Variants in KISS1 observed in about 807,000 individuals in gnomAD.
The protein encoded by KISS1 is metastasis-suppressor KiSS-1.
For synonymous variants in KISS1, 97 were observed against 88.7 expected (o/e 1.09, Z -0.52); for missense variants, 182 against 182.7 (o/e 1.00, Z 0.02).
intron 1 of KISS1, among the ~76,000 whole-genome samples, chr1:204,195,185 TGCACACACAC>T (rs1658815795): frequency 2.9e-3 from 14 of 4,770 alleles, no homozygotes; most frequent in Admixed American, 5.0e-3. Flanking sequence ...ACACCACACA[TGCACACACAC>T]ACCACACACA....
intron 2 of KISS1, among the ~76,000 whole-genome samples, chr1:204,191,219 C>G (rs1571664977): frequency 6.6e-6 from 1 of 152,234 alleles, no homozygotes; most frequent in East Asian, 1.9e-4. Flanking sequence ...ATAGTGGGGC[C>G]TCAATAAATG....
In KISS1 at chr1:204,190,407, C is replaced by CGGGGGGGGGGGGGGGGGGGGG; in HGVS notation, c.*76_*77insCCCCCCCCCCCCCCCCCCCCC. The CGGGGGGGGGGGGGGGGGGGGG allele has an allele frequency of 2.6e-6, 2 of 779,252 alleles. No homozygotes were observed. Among genetic ancestry groups the CGGGGGGGGGGGGGGGGGGGGG allele is most frequent in the Non-Finnish European group, 4.1e-6 (2 of 493,570 alleles). 48.3% of individuals were successfully genotyped at this position (779,252 alleles called of 1,614,324 possible). On this transcript the variant is annotated 3_prime_UTR_variant, in exon 3 of 3. Transcript: ENST00000367194. ...TCCAGCGCCCCCTCCCTTAGCCCTA[C>CGGGGGGGGGGGGGGGGGGGGG]GTCCCCGCCCCCCGCCCCCGCCCCG...
Position 204,192,667 on chromosome 1 carries a change from A to T in KISS1, c.103+107T>A. 1 of 746,964 alleles carries T rather than the reference A, an allele frequency of 1.3e-6. No individual in the cohort carries two copies. The allele number at this position is 746,964 out of a possible 1,614,324, so 46.3% of individuals were successfully genotyped here. A position where few individuals can be genotyped will look rare whatever the true frequency, so the allele number is the denominator to read the frequency against. On this transcript the variant is annotated intron_variant, in intron 2 of 2. Transcript: ENST00000367194. The surrounding 1 kb of genome is among the most constrained non-coding windows in gnomAD (Gnocchi z 4.2). Reference sequence around the variant, plus strand: ...GTGTGCCAGTCTTAGATTTCCACCAAATGCAATGTTAAACTCACACCAGTC... The same window carrying T: ...GTGTGCCAGTCTTAGATTTCCACCATATGCAATGTTAAACTCACACCAGTC...
chr1:204,191,553 A>G (rs1028091775), intron 2 of KISS1, among the ~76,000 whole-genome samples: 2 of 152,268 alleles, frequency 1.3e-5, no homozygotes, highest in South Asian at 4.1e-4. Context: ...AAATAGGGCA[A>G]CTAGCTCTGT....
chr1:204,190,637 G>A lies in KISS1; in HGVS notation c.264C>T (p.Ala88=), dbSNP rs750463573. 1.9e-6 allele frequency: 3 copies of A among 1,584,264 alleles called. No individual in the cohort carries two copies. The Admixed American group carries it at 5.4e-5, about 28-fold the overall frequency. Residue 88 remains alanine (A), a synonymous_variant, in exon 3 of 3, where the codon GCC becomes GCT. Transcript: ENST00000367194. ...GTGCGGGGATCTGGCGGCTGTGGGG[G>A]GCGGACAGGCCCGGCTGCTGGGGGC... ...SGSPQQPGLS[A]PHSRQIPAPQ...
Position 204,190,735 on chromosome 1 carries a change from T to A in KISS1, c.166A>T (p.Arg56Trp). The A allele has an allele frequency of 6.2e-7, 1 of 1,610,110 alleles. No individual in the cohort carries two copies. The highest frequency in any genetic ancestry group is 1.7e-5 in the Admixed American group (1 of 59,740). The change falls in exon 3 of 3, where the codon AGG becomes TGG. Residue 56 changes from arginine to tryptophan, a missense_variant. Coordinates refer to ENST00000367194, the MANE Select transcript of KISS1 (RefSeq NM_002256.4). ...AGCCTGGCAGTAGCAGCTGGCTTCC[T>A]CTCGGTGCACGGCAGGCTCTGCTCC... ...PGEQSLPCTERKPAATARLSR... is the reference protein window; with the variant it reads ...PGEQSLPCTEWKPAATARLSR...
At chr1:204,194,036 C>T (rs1364111695) in intron 1 of KISS1, among the ~76,000 whole-genome samples, 2 of 152,176 alleles carry the variant, frequency 1.3e-5, no homozygotes, top group East Asian at 3.9e-4. Flanking sequence ...CCCATCAGCT[C>T]CTAATGGTGG....
Position 204,190,741 on chromosome 1 carries a change from T to G in KISS1, c.160A>C (p.Thr54Pro), listed in dbSNP as rs779604507. ...LAPGEQSLPC[T>P]ERKPAATARL... ...GCAGTAGCAGCTGGCTTCCTCTCGG[T>G]GCACGGCAGGCTCTGCTCCCCGGGG... Residue 54 changes from threonine to proline, a missense_variant, in exon 3 of 3, where the codon ACC (threonine) becomes CCC (proline). Coordinates refer to ENST00000367194, the MANE Select transcript of KISS1 (RefSeq NM_002256.4). 9.3e-6 allele frequency: 15 copies of G among 1,610,690 alleles called. No individual in the cohort carries two copies. The highest frequency in any genetic ancestry group is 1.2e-5 in the Non-Finnish European group (14 of 1,179,390).
chr1:204,196,156 G>C (rs1156866373), intron 1 of KISS1, among the ~76,000 whole-genome samples: 1 of 152,238 alleles, frequency 6.6e-6, no homozygotes, highest in Non-Finnish European at 1.5e-5. Context: ...GATCCCCAGA[G>C]TGTTAGCTTC....
In KISS1 at chr1:204,190,809, G is replaced by A; in HGVS notation, c.104-12C>T. On this transcript the variant is annotated splice_polypyrimidine_tract_variant and intron_variant, in intron 2 of 2. Coordinates refer to ENST00000367194, the MANE Select transcript of KISS1 (RefSeq NM_002256.4). ...TTCTAGCTGCTGGCCTAGGACAGAG[G>A]GCACAGAAAGATGAGGCCGGGGTCC... 1.2e-6 allele frequency: 2 copies of A among 1,607,182 alleles called. No homozygotes were observed. Among genetic ancestry groups the A allele is most frequent in the Non-Finnish European group, 1.7e-6 (2 of 1,176,988 alleles).
rs35431622 is a variant in KISS1 at position 204,190,794 on chromosome 1, T to A, written c.107A>T (p.Gln36Leu). 16 of 1,610,324 alleles carry A rather than the reference T, an allele frequency of 9.9e-6. No individual in the cohort carries two copies. The Admixed American group carries it at 2.7e-4, about 27-fold the overall frequency. Residue 36 changes from glutamine (Q) to leucine (L), a missense_variant, in exon 3 of 3, where the codon CAG (glutamine) becomes CTG (leucine). By Grantham distance (113) the Gln-to-Leu change is moderately radical. Coordinates refer to ENST00000367194, the MANE Select transcript of KISS1 (RefSeq NM_002256.4). Reference sequence around the variant, plus strand: ...CAGGAGGCCCAGGGATTCTAGCTGCTGGCCTAGGACAGAGGGCACAGAAAG... The same window carrying A: ...CAGGAGGCCCAGGGATTCTAGCTGCAGGCCTAGGACAGAGGGCACAGAAAG... ...ASVGNSRPTG[Q>L]QLESLGLLAP...
intron 1 of KISS1, among the ~76,000 whole-genome samples, chr1:204,193,321 G>A (rs1658779988): frequency 6.6e-6 from 1 of 152,128 alleles, no homozygotes; most frequent in Non-Finnish European, 1.5e-5. Flanking sequence ...TGACTGGGGA[G>A]GGGTGAAGTA....
Position 204,192,828 on chromosome 1 carries a change from G to A in KISS1, c.49C>T (p.His17Tyr), listed in dbSNP as rs753395436. Residue 17 changes from histidine (H) to tyrosine (Y), a missense_variant, in exon 2 of 3, where the codon CAC (histidine) becomes TAC (tyrosine). By Grantham distance (83) the His-to-Tyr change is moderately conservative. Transcript: ENST00000367194. The surrounding 1 kb of genome is among the most constrained non-coding windows in gnomAD (Gnocchi z 4.2). ...ACCTTTTCTAATGGCTCCCCAAAGT[G>A]GGTGGCACAGAGGAAAAGCAGTAGC... ...WQLLLFLCATHFGEPLEKVAS... is the reference protein window; with the variant it reads ...WQLLLFLCATYFGEPLEKVAS... 1 of 1,599,170 alleles carries A rather than the reference G, an allele frequency of 6.3e-7. No homozygotes were observed. Among genetic ancestry groups the A allele is most frequent in the African/African-American group, 1.3e-5 (1 of 74,870 alleles).
At chr1:204,195,219 AC>A (rs61295476) in intron 1 of KISS1, among the ~76,000 whole-genome samples, 1 of 920 alleles carries the variant, frequency 1.1e-3, no homozygotes, top group Non-Finnish European at 2.5e-3. Context: ...ATACGCACAC[AC>A]CCATACACAT....
In KISS1 at chr1:204,190,429, C is replaced by CCCCCCCCA; in HGVS notation, c.*54_*55insTGGGGGGG. 1.0e-6 allele frequency: 1 copy of CCCCCCCCA among 998,578 alleles called. No homozygotes were observed. The highest frequency in any genetic ancestry group is 1.5e-6 in the Non-Finnish European group (1 of 661,878). 61.9% of individuals were successfully genotyped at this position (998,578 alleles called of 1,614,324 possible). A position where few individuals can be genotyped will look rare whatever the true frequency, so the allele number is the denominator to read the frequency against. On this transcript the variant is annotated 3_prime_UTR_variant, in exon 3 of 3. Coordinates refer to ENST00000367194, the MANE Select transcript of KISS1 (RefSeq NM_002256.4). ...CTACGTCCCCGCCCCCCGCCCCCGC[C>CCCCCCCCA]CCGCATGCTCTGACTCCTTTGGGGT...
rs374881001 is a variant in KISS1, at chr1:204,192,805, C to G, written c.72G>C (p.Lys24Asn). The G allele has an allele frequency of 4.4e-6, 7 of 1,599,782 alleles. No individual in the cohort carries two copies. Among genetic ancestry groups the G allele is most frequent in the Non-Finnish European group, 5.1e-6 (6 of 1,171,484 alleles). Residue 24 changes from lysine (K) to asparagine (N), a missense_variant, in exon 2 of 3, where the codon AAG (lysine) becomes AAC (asparagine). Coordinates refer to ENST00000367194, the MANE Select transcript of KISS1 (RefSeq NM_002256.4). This position sits in a 1 kb window ranked among gnomAD's most constrained non-coding sequence, Gnocchi z 4.2. ...GTCTAGAATTCCCCACAGAGGCCAC[C>G]TTTTCTAATGGCTCCCCAAAGTGGG... ...CATHFGEPLE[K>N]VASVGNSRPT... is the part of the protein sequence containing the mutation.
intron 1 of KISS1, among the ~76,000 whole-genome samples, chr1:204,193,453 T>C (rs962235245): frequency 1.3e-5 from 2 of 152,142 alleles, no homozygotes; most frequent in African/African-American, 4.8e-5. Flanking sequence ...CTTTCTGTGT[T>C]CCACTCTCCC....
chr1:204,190,388 GC>G lies in KISS1; in HGVS notation c.*95del, dbSNP rs1161492930. Reference sequence around the variant, plus strand: ...ATTGCCTCGGGTTGGAAGCTCCAGCGCCCCCTCCCTTAGCCCTACGTCCCCG... The same window carrying G: ...ATTGCCTCGGGTTGGAAGCTCCAGCGCCCCTCCCTTAGCCCTACGTCCCCG... On this transcript the variant is annotated 3_prime_UTR_variant, in exon 3 of 3. Coordinates refer to ENST00000367194, the MANE Select transcript of KISS1 (RefSeq NM_002256.4). 1.7e-6 allele frequency: 2 copies of G among 1,180,650 alleles called. No homozygotes were observed. Among genetic ancestry groups the G allele is most frequent in the Non-Finnish European group, 2.4e-6 (2 of 829,286 alleles). 73.1% of individuals were successfully genotyped at this position (1,180,650 alleles called of 1,614,324 possible).
rs769232601 is a variant in KISS1 at position 204,190,508 on chromosome 1, G to A, written c.393C>T (p.His131=). The A allele has an allele frequency of 6.9e-6, 11 of 1,590,138 alleles. No homozygotes were observed. In the African/African-American group the frequency reaches 1.4e-4, roughly 20 times the overall value. Residue 131 remains histidine (H), a synonymous_variant, in exon 3 of 3, where the codon CAC becomes CAT. Transcript: ENST00000367194. ...FGKREAAPGN[H]GRSAGRG ...CTCAGCCCCGCCCAGCGCTTCTGCC[G>A]TGGTTCCCTGGTGCCGCCTCCCGCT...
Sources: allele counts gnomAD v4.1 joint callset (sites outside exome capture counted in the v4.1 genomes callset), GRCh38; gene constraint gnomAD v4.1.1; non-coding constraint Gnocchi (gnomAD v3.1); transcripts MANE v1.5; gene names NCBI Gene and HGNC (gene_info 2026-07-23, HGNC 2026-07-21).